Variants in WDPCP observed in about 807,000 individuals in gnomAD.
WDPCP encodes the protein WD repeat-containing and planar cell polarity effector protein fritz homolog.
WDPCP carries 71 observed loss-of-function variants against 93.1 expected under a neutral mutation model. The ratio of observed to expected loss-of-function variants is 0.76; its 90% CI spans 0.63 to 0.93. The LOEUF (loss-of-function observed/expected upper bound fraction) is 0.93. Ranked by LOEUF, WDPCP falls within the 40% of genes least tolerant of loss-of-function variation. WDPCP has a pLI of 0.00. For missense variants in WDPCP, 844 were observed against 887.4 expected, an observed-to-expected ratio of 0.95 and a Z score of 0.62; for synonymous variants, 315 against 315.0, an observed-to-expected ratio of 1.00 and a Z score of 0.00.
intron 3 of WDPCP, among the ~76,000 whole-genome samples, chr2:63,632,016 A>G (rs1709869703): frequency 6.6e-6 from 1 of 152,194 alleles, no homozygotes; most frequent in Non-Finnish European, 1.5e-5. Flanking sequence ...GCACCCCCAC[A>G]AAAGGATAGG....
chr2:63,450,025 C>G (rs1035255286), intron 6 of WDPCP, among the ~76,000 whole-genome samples: 8 of 152,130 alleles, frequency 5.3e-5, no homozygotes, highest in Admixed American at 2.6e-4. Context: ...AGGGAGCCCC[C>G]AGGACAAAGG....
In WDPCP at chr2:63,602,934, C is replaced by CTTTTTTTT. The variant is rs370479356; in HGVS notation, n.488+47717_488+47724dup. On this transcript the variant is annotated intron_variant and non_coding_transcript_variant, in intron 3 of 4. Transcript: ENST00000467687. ...ACATAATACAGTTTATTTAACCGTT[C>CTTTTTTTT]TTTTTTTTTTTTTTTTTTTTTTTTT... Among the ~76,000 whole-genome samples, 163 of 131,506 alleles carry CTTTTTTTT rather than the reference C, an allele frequency of 1.2e-3. 10 individuals are homozygous for CTTTTTTTT. The highest frequency in any genetic ancestry group is 2.1e-3 in the Non-Finnish European group (127 of 59,536). 86.3% of individuals were successfully genotyped at this position (131,506 alleles called of 152,430 possible). A position where few individuals can be genotyped will look rare whatever the true frequency, so the allele number is the denominator to read the frequency against.
At chr2:63,714,890 C>G (rs536935864) in intron 2 of WDPCP, among the ~76,000 whole-genome samples, 4 of 152,258 alleles carry the variant, frequency 2.6e-5, no homozygotes, top group African/African-American at 9.6e-5. Context: ...AGCACATTCA[C>G]AATAGTCAAA....
In WDPCP at chr2:63,119,915, T is replaced by C. The variant is rs1002121601; in HGVS notation, c.*2091A>G. Among the ~76,000 whole-genome samples, 1 of 152,236 alleles carries C rather than the reference T, an allele frequency of 6.6e-6. No homozygotes were observed. The highest frequency in any genetic ancestry group is 2.4e-5 in the African/African-American group (1 of 41,470). ...AAGATCATTCATAATATATTCTTACTATCTAAACTTGGTTTTCTGTACATT... is the reference window on the plus strand; with the variant it reads ...AAGATCATTCATAATATATTCTTACCATCTAAACTTGGTTTTCTGTACATT... On this transcript the variant is annotated 3_prime_UTR_variant, in exon 18 of 18. Transcript: ENST00000272321.
chr2:63,174,935 T>C, intron 14 of WDPCP, 103 bp from the exon 15 acceptor site: 1 of 1,311,036 alleles, frequency 7.6e-7, no homozygotes, highest in Non-Finnish European at 1.1e-6. Context: ...CCAGTGGAAC[T>C]TTTTTCTTTG....
intron 1 of WDPCP, among the ~76,000 whole-genome samples, chr2:63,545,868 A>AG (rs1390790648): frequency 6.6e-6 from 1 of 151,996 alleles, no homozygotes; most frequent in Non-Finnish European, 1.5e-5. Flanking sequence ...AAAAAAAAAA[A>AG]AAAAAAAGTA....
chr2:63,499,909 C>A (rs1006634620), intron 1 of WDPCP, among the ~76,000 whole-genome samples: 1 of 152,192 alleles, frequency 6.6e-6, no homozygotes, highest in Non-Finnish European at 1.5e-5. Flanking sequence ...CATCAATGTT[C>A]CTAGCTACTA....
chr2:63,269,186 G>C (rs569225453), intron 13 of WDPCP, among the ~76,000 whole-genome samples: 30 of 152,284 alleles, frequency 2.0e-4, no homozygotes, highest in South Asian at 6.2e-4. Flanking sequence ...TTAGTTGATA[G>C]ATGGTTAACT....
intron 13 of WDPCP, among the ~76,000 whole-genome samples, chr2:63,302,976 G>A (rs572279895): frequency 1.3e-5 from 2 of 152,268 alleles, no homozygotes; most frequent in African/African-American, 4.8e-5. Flanking sequence ...GTCAGTTCCT[G>A]GGTGAGGGCC....
At chr2:63,421,737 A>G (rs1004599141) in intron 9 of WDPCP, among the ~76,000 whole-genome samples, 5 of 152,210 alleles carry the variant, frequency 3.3e-5, no homozygotes, top group Non-Finnish European at 7.3e-5. Context: ...CTAAAGGGCA[A>G]AACCCAAAAC....
At chr2:63,152,883 T>A (rs757933715) in intron 17 of WDPCP, 31 bp downstream of exon 17, 1 of 1,596,564 alleles carries the variant, frequency 6.3e-7, no homozygotes, top group East Asian at 2.2e-5. Context: ...AGAATTTAAA[T>A]GTCTAGTAAT....
At chr2:63,154,894 C>T (rs896592910) in intron 15 of WDPCP, among the ~76,000 whole-genome samples, 1 of 152,108 alleles carries the variant, frequency 6.6e-6, no homozygotes, top group Non-Finnish European at 1.5e-5. Context: ...TTCAATTTCC[C>T]AAATAGCTCA....
intron 1 of WDPCP, among the ~76,000 whole-genome samples, chr2:63,540,746 T>TTTTG (rs765083556): frequency 6.0e-4 from 92 of 152,118 alleles, no homozygotes; most frequent in African/African-American, 1.2e-3. Context: ...ATAGTGGTTT[T>TTTTG]TTTGTTTGTT....
chr2:63,207,099 C>A (rs1676397623), intron 14 of WDPCP, among the ~76,000 whole-genome samples: 1 of 152,156 alleles, frequency 6.6e-6, no homozygotes, highest in African/African-American at 2.4e-5. Context: ...TGACTGGCTT[C>A]ATCAGTTAGT....
intron 8 of WDPCP, among the ~76,000 whole-genome samples, chr2:63,435,649 A>G (rs1353788064): frequency 6.6e-6 from 1 of 152,164 alleles, no homozygotes; most frequent in Non-Finnish European, 1.5e-5. Flanking sequence ...CATGTTTCCT[A>G]TGAGTTTAAT....
intron 1 of WDPCP, among the ~76,000 whole-genome samples, chr2:63,520,211 A>T (rs1272865230): frequency 2.0e-5 from 3 of 152,220 alleles, no homozygotes; most frequent in Admixed American, 6.5e-5. Flanking sequence ...AAGAATGAAC[A>T]AAACCTCCAA....
chr2:63,669,480 C>T (rs1276987797), intron 2 of WDPCP, among the ~76,000 whole-genome samples: 1 of 151,940 alleles, frequency 6.6e-6, no homozygotes, highest in Non-Finnish European at 1.5e-5. Flanking sequence ...GTGCCTCAGC[C>T]TCCCGAGTAG....
At chr2:63,313,874 A>G (rs200108925) in intron 12 of WDPCP, among the ~76,000 whole-genome samples, 24 of 22,552 alleles carry the variant, frequency 1.1e-3, no homozygotes, top group Non-Finnish European at 1.4e-3. Flanking sequence ...ATATATATAT[A>G]TATATATATA....
At chr2:63,518,867 G>A (rs560690115) in intron 1 of WDPCP, 1 of 152,384 alleles carries the variant, frequency 6.6e-6, no homozygotes, top group African/African-American at 2.4e-5. Flanking sequence ...CCAGCAGAGC[G>A]GCCCCCACAA....
Sources: gnomAD v4.1 joint callset for allele counts (sites outside exome capture counted in the v4.1 genomes callset) on GRCh38, gnomAD v4.1.1 for gene constraint, MANE v1.5 for transcripts, NCBI Gene and HGNC (gene_info 2026-07-23, HGNC 2026-07-21) for gene names.